Variants in DNAH12 observed in about 807,000 individuals in gnomAD.
The protein encoded by DNAH12 is dynein axonemal heavy chain 12, also known as axonemal beta dynein heavy chain 12.
DNAH12 carries 285 observed loss-of-function variants against 371.5 expected under a neutral mutation model. The observed-to-expected ratio is 0.77, with a 90% CI of 0.70 to 0.85. The LOEUF (loss-of-function observed/expected upper bound fraction) is 0.85. Ranked by LOEUF, DNAH12 falls within the 40% of genes least tolerant of loss-of-function variation. The pLI, the probability that DNAH12 is intolerant of heterozygous loss-of-function variation, is 0.00. For missense variants in DNAH12, 3,611 were observed against 3,689.4 expected, an observed-to-expected ratio of 0.98 and a Z score of 0.55; for synonymous variants, 1,200 against 1,213.0, an observed-to-expected ratio of 0.99 and a Z score of 0.22.
intron 2 of DNAH12, among the ~76,000 whole-genome samples, chr3:57,534,476 T>A (rs1369055619): frequency 6.6e-6 from 1 of 151,762 alleles, no homozygotes; most frequent in African/African-American, 2.4e-5. Context: ...CCATGATCAC[T>A]TTCTGAGGTA....
chr3:57,495,747 T>A (rs1394918249), intron 11 of DNAH12, among the ~76,000 whole-genome samples: 1 of 144,488 alleles, frequency 6.9e-6, no homozygotes, highest in East Asian at 1.9e-4. Context: ...ATATGAATAT[T>A]TTTATATATT....
At chr3:57,458,519 G>A (rs113332096) in intron 20 of DNAH12, among the ~76,000 whole-genome samples, 75 of 152,210 alleles carry the variant, frequency 4.9e-4, no homozygotes, top group African/African-American at 1.8e-3. Flanking sequence ...GCTGGTGCTC[G>A]ATTTAATTCT....
chr3:57,320,689 C>G (rs1233622199), intron 65 of DNAH12, among the ~76,000 whole-genome samples: 1 of 152,160 alleles, frequency 6.6e-6, no homozygotes, highest in Non-Finnish European at 1.5e-5. Context: ...ATCAACATCA[C>G]CAGGGAATTT....
At position 57,385,024 on chromosome 3, in the gene DNAH12, A is replaced by G. The variant is rs1422445053; in HGVS notation, c.7684-19T>C. The G allele has an allele frequency of 1.3e-5, 2 of 152,236 alleles. No homozygotes were observed. The highest frequency in any genetic ancestry group is 4.8e-5 in the African/African-American group (2 of 41,456). 9.4% of individuals were successfully genotyped at this position (152,236 alleles called of 1,614,324 possible). A position where few individuals can be genotyped will look rare whatever the true frequency, so the allele number is the denominator to read the frequency against. On this transcript the variant is annotated intron_variant, in intron 48 of 73. Transcript: ENST00000495027. ...CAATAACCTAAAGAGGTGAAAGATG[A>G]AGACAATTTCTCAAACACCCTATTG...
At chr3:57,552,128 C>G in the DNAH12 span, among the ~76,000 whole-genome samples, 1 of 151,694 alleles carries the variant, frequency 6.6e-6, no homozygotes, top group Non-Finnish European at 1.5e-5. Flanking sequence ...GCCTGCAGTC[C>G]CAGCTACTCA....
At chr3:57,444,568 C>T in intron 29 of DNAH12, 129 bp downstream of exon 29, 2 of 1,350,560 alleles carry the variant, frequency 1.5e-6, no homozygotes, top group South Asian at 1.4e-5. Flanking sequence ...TTGTTATTAA[C>T]TAAAGTGGAC....
At chr3:57,553,180 AAAAT>A in the DNAH12 span, among the ~76,000 whole-genome samples, 1 of 152,346 alleles carries the variant, frequency 6.6e-6, no homozygotes, top group African/African-American at 2.4e-5. Context: ...TCCATCTCAA[AAAAT>A]AAATAAATAA....
intron 53 of DNAH12, among the ~76,000 whole-genome samples, chr3:57,376,237 A>G (rs1343687702): frequency 6.6e-6 from 1 of 151,778 alleles, no homozygotes; most frequent in East Asian, 1.9e-4. Flanking sequence ...AAAAAACAAA[A>G]CCCAAACACC....
chr3:57,466,809 A>G (rs891327875), intron 17 of DNAH12, among the ~76,000 whole-genome samples: 1 of 152,058 alleles, frequency 6.6e-6, no homozygotes, highest in East Asian at 1.9e-4. Flanking sequence ...GCGGCAGTAT[A>G]ATCATAGCTC....
intron 13 of DNAH12, among the ~76,000 whole-genome samples, chr3:57,482,410 A>G (rs951381997): frequency 1.3e-5 from 2 of 151,716 alleles, no homozygotes; most frequent in Admixed American, 6.6e-5. Context: ...ATCATTAAAA[A>G]GTCAGGAAAC....
chr3:57,515,588 C>T lies in DNAH12; in HGVS notation c.280-4609G>A, dbSNP rs185411330. 4.6e-5 allele frequency among the ~76,000 whole-genome samples: 7 copies of T among 151,840 alleles called. No homozygotes were observed. In the South Asian group the frequency reaches 8.4e-4, roughly 18 times the overall value. The stretch of plus-strand genomic sequence containing the variant: ...TCACAACACTGCTCTCCAGCCTGGG[C>T]GACAGAGCAAAACCCCATCTCTACA... On this transcript the variant is annotated intron_variant, in intron 4 of 73. Coordinates refer to ENST00000495027, the MANE Select transcript of DNAH12 (RefSeq NM_001366028.2).
Position 57,406,356 on chromosome 3 carries a change from C to CAAAA in DNAH12, c.6277-408_6277-405dup, listed in dbSNP as rs782271639. ...TGGGCAACGAAGTGAGATTCTGCCT[C>CAAAA]AAAAAAAAAAAAAAAGAAAAAAAAA... On this transcript the variant is annotated intron_variant, in intron 40 of 73. Transcript: ENST00000495027. Among the ~76,000 whole-genome samples the CAAAA allele has an allele frequency of 1.1e-3, 110 of 96,064 alleles. 3 individuals carry two copies. The highest frequency in any genetic ancestry group is 5.4e-3 in the East Asian group (19 of 3,546). The allele number at this position is 96,064 out of a possible 152,430, so 63.0% of individuals were successfully genotyped here. A position where few individuals can be genotyped will look rare whatever the true frequency, so the allele number is the denominator to read the frequency against.
intron 7 of DNAH12, among the ~76,000 whole-genome samples, 183 bp downstream of exon 7, chr3:57,508,199 A>C (rs868166764): frequency 4.8e-5 from 5 of 104,100 alleles, no homozygotes; most frequent in Non-Finnish European, 8.9e-5. Context: ...GAAAAAAAAA[A>C]CAAAAAAAAA....
intron 43 of DNAH12, among the ~76,000 whole-genome samples, chr3:57,397,369 G>C (rs922968365): frequency 1.3e-5 from 2 of 152,288 alleles, no homozygotes; most frequent in South Asian, 4.1e-4. Context: ...TCCTCCCCCA[G>C]CTGGGCACAG....
chr3:57,469,161 T>C (rs1048971003), intron 16 of DNAH12, among the ~76,000 whole-genome samples, 182 bp from the exon 17 acceptor site: 3 of 152,116 alleles, frequency 2.0e-5, no homozygotes, highest in African/African-American at 7.2e-5. Context: ...AAATAATCAT[T>C]TTGACTATGC....
At chr3:57,533,849 C>T (rs2068934976) in intron 2 of DNAH12, among the ~76,000 whole-genome samples, 1 of 152,188 alleles carries the variant, frequency 6.6e-6, no homozygotes, top group Admixed American at 6.5e-5. Flanking sequence ...CAAGTACTCC[C>T]TTAACAGCAC....
At chr3:57,359,183 C>T (rs1424601743) in intron 58 of DNAH12, among the ~76,000 whole-genome samples, 2 of 152,196 alleles carry the variant, frequency 1.3e-5, no homozygotes, top group East Asian at 1.9e-4. Flanking sequence ...GCATGAAATG[C>T]TAGGCTTAAG....
intron 22 of DNAH12, among the ~76,000 whole-genome samples, chr3:57,457,412 C>T (rs1479258421): frequency 6.6e-6 from 1 of 152,158 alleles, no homozygotes; most frequent in Non-Finnish European, 1.5e-5. Context: ...CTGGCTTATT[C>T]CTACCTGTCC....
rs993647530 is a variant in DNAH12, at chr3:57,384,135, G to C, written c.7860+694C>G. Among the ~76,000 whole-genome samples the C allele has an allele frequency of 3.3e-5, 5 of 152,132 alleles. No homozygotes were observed. In the South Asian group the frequency reaches 1.0e-3, roughly 32 times the overall value. ...TGCCTAAAGACCTGTAAAAAGTTAC[G>C]TACAACATAATGTGGTACAGATAGG... On this transcript the variant is annotated intron_variant, in intron 49 of 73. Transcript: ENST00000495027.
Sources: allele counts gnomAD v4.1 joint callset (sites outside exome capture counted in the v4.1 genomes callset), GRCh38; gene constraint gnomAD v4.1.1; transcripts MANE v1.5; gene names NCBI Gene and HGNC (gene_info 2026-07-23, HGNC 2026-07-21).